The following KCNB2 variants were observed in gnomAD, a reference collection of about 807,000 sequenced individuals.
KCNB2 encodes the protein delayed rectifier potassium channel protein.
In KCNB2, 15 loss-of-function variants were observed where a neutral mutation model predicts 61.5. The observed-to-expected ratio is 0.24, with a 90% CI of 0.16 to 0.38. KCNB2 has a LOEUF of 0.38. KCNB2 is among the 10% of genes least tolerant of loss of function. KCNB2 has a pLI of 1.00. For synonymous variants in KCNB2, 457 were observed against 446.0 expected, an observed-to-expected ratio of 1.02 and a Z score of -0.31; for missense variants, 828 against 1,125.2, an observed-to-expected ratio of 0.74 and a Z score of 3.78.
At chr8:72,592,566 C>A (rs1807117878) in intron 2 of KCNB2, among the ~76,000 whole-genome samples, 1 of 151,808 alleles carries the variant, frequency 6.6e-6, no homozygotes, top group Admixed American at 6.6e-5. Context: ...TGAGGCATGG[C>A]CACATGATAT....
chr8:72,936,978 G>T lies in KCNB2; in HGVS notation c.1623G>T (p.Glu541Asp). 6.2e-7 allele frequency: 1 copy of T among 1,614,170 alleles called. No homozygotes were observed. Among genetic ancestry groups the T allele is most frequent in the Non-Finnish European group, 8.5e-7 (1 of 1,180,014 alleles). ...AGCATCTGAGTGCCCAGAAACTGGA[G>T]ATGCTATACAATGAAATCACCAAGA... ...SPQHLSAQKL[E>D]MLYNEITKTQ... Residue 541 changes from glutamate (E) to aspartate (D), a missense_variant, in exon 3 of 3, where the codon GAG (glutamate) becomes GAT (aspartate). Around this residue, in one of 4 missense-constraint regions of KCNB2, gnomAD observed 559 missense variants for 588.4 expected, o/e 0.95. Transcript: ENST00000523207. This position sits in a 1 kb window ranked among gnomAD's most constrained non-coding sequence, Gnocchi z 5.6.
intron 2 of KCNB2, among the ~76,000 whole-genome samples, chr8:72,895,645 A>C (rs1465165344): frequency 6.6e-6 from 1 of 152,222 alleles, no homozygotes; most frequent in Non-Finnish European, 1.5e-5. Context: ...GTCATGGAGT[A>C]AATTAGAAAG....
intron 2 of KCNB2, among the ~76,000 whole-genome samples, chr8:72,844,372 T>A (rs1254805365): frequency 1.3e-5 from 2 of 152,204 alleles, no homozygotes; most frequent in Admixed American, 6.5e-5. Flanking sequence ...CCCTTAACAT[T>A]TTTTCCTTCA....
intron 2 of KCNB2, among the ~76,000 whole-genome samples, chr8:72,577,658 A>G (rs1806819757): frequency 6.6e-6 from 1 of 152,140 alleles, no homozygotes; most frequent in Non-Finnish European, 1.5e-5. Context: ...CTTCTCTCTC[A>G]TTGGGTCACT....
chr8:72,858,701 T>C (rs1469391145), intron 2 of KCNB2, among the ~76,000 whole-genome samples: 1 of 152,180 alleles, frequency 6.6e-6, no homozygotes, highest in East Asian at 1.9e-4. Context: ...AGTTTCAAGA[T>C]AGTTGTCGCT....
intron 2 of KCNB2, among the ~76,000 whole-genome samples, chr8:72,592,136 A>G (rs2128981507): frequency 6.6e-6 from 1 of 152,262 alleles, no homozygotes; most frequent in South Asian, 2.1e-4. Flanking sequence ...CATCTGCTTC[A>G]TGCTTTGATA....
chr8:72,653,929 ATC>A (rs1345462479), intron 2 of KCNB2, among the ~76,000 whole-genome samples: 2 of 152,164 alleles, frequency 1.3e-5, no homozygotes, highest in Non-Finnish European at 2.9e-5. Context: ...GTTCTTTTTT[ATC>A]TGTTTCTAAT....
chr8:72,679,644 GATATTTCCAGTTAAATTATCT>G (rs1204542886), intron 2 of KCNB2, among the ~76,000 whole-genome samples: 1 of 152,152 alleles, frequency 6.6e-6, no homozygotes, highest in African/African-American at 2.4e-5. Flanking sequence ...AATATTATGA[GATATTTCCAGTTAAATTATCT>G]ATATTTTGTC....
intron 2 of KCNB2, among the ~76,000 whole-genome samples, chr8:72,654,258 G>A (rs927927942): frequency 2.0e-5 from 3 of 152,132 alleles, no homozygotes; most frequent in Admixed American, 6.6e-5. Flanking sequence ...ATACCTCACT[G>A]GGGCCATTTC....
intron 2 of KCNB2, among the ~76,000 whole-genome samples, chr8:72,576,609 G>A (rs1409762160): frequency 1.3e-5 from 2 of 152,228 alleles, no homozygotes; most frequent in Non-Finnish European, 2.9e-5. Context: ...CAGCAGGACA[G>A]AGAAAGATGA....
intron 2 of KCNB2, among the ~76,000 whole-genome samples, chr8:72,695,992 GT>G: frequency 6.6e-6 from 1 of 152,324 alleles, no homozygotes; most frequent in African/African-American, 2.4e-5. Context: ...GTCCTCGGCT[GT>G]AGCCCATGAA....
At chr8:72,616,422 A>T (rs531932276) in intron 2 of KCNB2, among the ~76,000 whole-genome samples, 70 of 152,300 alleles carry the variant, frequency 4.6e-4, no homozygotes, top group African/African-American at 1.7e-3. Context: ...TCCAATGTTT[A>T]TGAAACTTTT....
chr8:72,910,100 G>A (rs951026960), intron 2 of KCNB2, among the ~76,000 whole-genome samples: 1 of 152,122 alleles, frequency 6.6e-6, no homozygotes, highest in Admixed American at 6.6e-5. Context: ...GGCTCAAGTC[G>A]CTTATGAGTT....
chr8:72,891,127 G>A (rs568940766), intron 2 of KCNB2, among the ~76,000 whole-genome samples: 8 of 152,148 alleles, frequency 5.3e-5, no homozygotes, highest in South Asian at 2.1e-4. Flanking sequence ...TTCTGAAAAC[G>A]ATTGAGATGG....
chr8:72,820,544 G>C (rs866777262), intron 2 of KCNB2, among the ~76,000 whole-genome samples: 17 of 151,560 alleles, frequency 1.1e-4, no homozygotes, highest in African/African-American at 4.1e-4. Context: ...TCATAAAATT[G>C]TATCTAGATA....
At chr8:72,702,046 A>C (rs1055595102) in intron 2 of KCNB2, among the ~76,000 whole-genome samples, 5 of 152,154 alleles carry the variant, frequency 3.3e-5, no homozygotes, top group Non-Finnish European at 7.3e-5. Flanking sequence ...TGATTATCTT[A>C]ACTTAGGAAA....
At chr8:72,558,456 C>A (rs1207438278) in intron 1 of KCNB2, among the ~76,000 whole-genome samples, 3 of 152,160 alleles carry the variant, frequency 2.0e-5, no homozygotes, top group Non-Finnish European at 4.4e-5. Flanking sequence ...CGGGAAGGTA[C>A]TTATCCTTGA....
At chr8:72,598,512 C>T (rs1264677066) in intron 2 of KCNB2, among the ~76,000 whole-genome samples, 1 of 152,164 alleles carries the variant, frequency 6.6e-6, no homozygotes, top group Non-Finnish European at 1.5e-5. Flanking sequence ...TGGACAAAAA[C>T]TGGAAGCATT....
intron 2 of KCNB2, among the ~76,000 whole-genome samples, chr8:72,609,392 A>G (rs905884655): frequency 8.5e-5 from 13 of 152,226 alleles, no homozygotes; most frequent in Admixed American, 3.3e-4. Flanking sequence ...TTCAGTCAAC[A>G]CTTCTTTTTC....
Sources: allele counts gnomAD v4.1 joint callset (sites outside exome capture counted in the v4.1 genomes callset), GRCh38; gene constraint gnomAD v4.1.1; regional missense constraint gnomAD v4.1.1; non-coding constraint Gnocchi (gnomAD v3.1); transcripts MANE v1.5; gene names NCBI Gene and HGNC (gene_info 2026-07-23, HGNC 2026-07-21).